Variants in NRP1 observed in about 807,000 individuals in gnomAD.
The protein encoded by NRP1 is neuropilin 1.
NRP1 carries 35 observed loss-of-function variants against 106.7 expected under a neutral mutation model. The ratio of observed to expected loss-of-function variants is 0.33; its 90% confidence interval spans 0.25 to 0.43. The LOEUF is 0.43. Ranked by LOEUF, NRP1 falls within the 20% of genes least tolerant of loss-of-function variation. NRP1 has a pLI of 1.00. For synonymous variants in NRP1, 437 were observed against 417.9 expected (o/e 1.05, Z -0.56); for missense variants, 1,024 against 1,170.4 (o/e 0.87, Z 1.83).
At chr10:33,197,554 C>A in intron 12 of NRP1, 96 bp downstream of exon 12, 1 of 924,766 alleles carries the variant, frequency 1.1e-6, no homozygotes. Context: ...GGCATCTCTC[C>A]TTCTAGGACT....
At chr10:33,197,308 T>C (rs944048616) in intron 12 of NRP1, among the ~76,000 whole-genome samples, 1 of 152,172 alleles carries the variant, frequency 6.6e-6, no homozygotes, top group Non-Finnish European at 1.5e-5. Flanking sequence ...TGAAAATAAA[T>C]AGTCGGGCTG....
intron 2 of NRP1, among the ~76,000 whole-genome samples, chr10:33,311,301 C>T (rs186057468): frequency 6.6e-6 from 1 of 152,306 alleles, no homozygotes; most frequent in Non-Finnish European, 1.5e-5. Context: ...CAACAATTGC[C>T]TCTGCCAGAT....
Position 33,262,596 on chromosome 10 carries a change from G to A in NRP1, c.658+1050C>T, listed in dbSNP as rs954610172. Among the ~76,000 whole-genome samples, 11 of 151,608 alleles carry A rather than the reference G, an allele frequency of 7.3e-5. No homozygotes were observed. The East Asian group carries it at 7.7e-4, about 11-fold the overall frequency. The stretch of plus-strand genomic sequence containing the variant: ...TGTGCACCTGTAATCCCAGCTACTC[G>A]GGAGGCTGAGGCAGAAGAATTGCTT... On this transcript the variant is annotated intron_variant, in intron 4 of 16. Coordinates refer to ENST00000374867, the MANE Select transcript of NRP1 (RefSeq NM_003873.7).
At chr10:33,203,160 A>G (rs1411830770) in intron 10 of NRP1, among the ~76,000 whole-genome samples, 165 bp from the exon 11 acceptor site, 2 of 152,264 alleles carry the variant, frequency 1.3e-5, no homozygotes. Flanking sequence ...TGGATTCTGC[A>G]GAATATATAA....
At chr10:33,325,266 A>AT (rs1323635747) in intron 2 of NRP1, among the ~76,000 whole-genome samples, 1 of 152,244 alleles carries the variant, frequency 6.6e-6, no homozygotes, top group Non-Finnish European at 1.5e-5. Context: ...TAAAACAAGG[A>AT]TTTTGTTTTA....
chr10:33,215,817 T>G (rs1479364315), intron 8 of NRP1, among the ~76,000 whole-genome samples: 1 of 152,212 alleles, frequency 6.6e-6, no homozygotes, highest in Non-Finnish European at 1.5e-5. Context: ...GTCTAGAAAT[T>G]ACGCACGTCA....
chr10:33,249,985 C>T (rs1455351207), intron 6 of NRP1, among the ~76,000 whole-genome samples: 1 of 152,004 alleles, frequency 6.6e-6, no homozygotes, highest in African/African-American at 2.4e-5. Context: ...AGTCAGCTTC[C>T]AATATCGCCT....
chr10:33,318,515 A>G (rs1434510665), intron 2 of NRP1, among the ~76,000 whole-genome samples: 1 of 152,126 alleles, frequency 6.6e-6, no homozygotes, highest in East Asian at 1.9e-4. Flanking sequence ...GTCTGGAAGG[A>G]CTGAACCTAT....
At chr10:33,279,029 G>C (rs1843916152) in intron 2 of NRP1, among the ~76,000 whole-genome samples, 1 of 152,184 alleles carries the variant, frequency 6.6e-6, no homozygotes, top group South Asian at 2.1e-4. Context: ...TTTCACTGTA[G>C]TAATGCAAAG....
intron 16 of NRP1, among the ~76,000 whole-genome samples, chr10:33,181,747 C>T (rs1220574579): frequency 6.6e-6 from 1 of 152,218 alleles, no homozygotes; most frequent in African/African-American, 2.4e-5. Flanking sequence ...GTTTCAGTCT[C>T]ACTATCTGTA....
chr10:33,276,806 T>A (rs1209126293), intron 2 of NRP1, among the ~76,000 whole-genome samples: 3 of 152,174 alleles, frequency 2.0e-5, no homozygotes, highest in Admixed American at 6.5e-5. Flanking sequence ...GCTTAGAGCA[T>A]CTTGGTGTGG....
At chr10:33,228,413 A>T (rs1839847013) in intron 6 of NRP1, among the ~76,000 whole-genome samples, 2 of 152,078 alleles carry the variant, frequency 1.3e-5, no homozygotes, top group African/African-American at 4.8e-5. Flanking sequence ...CAAAACAAAT[A>T]AAAAAAGCCA....
chr10:33,200,659 A>G (rs1837227677), intron 11 of NRP1, among the ~76,000 whole-genome samples: 1 of 152,216 alleles, frequency 6.6e-6, no homozygotes, highest in Admixed American at 6.5e-5. Flanking sequence ...TCCTGACAGC[A>G]AAACCTATGC....
intron 7 of NRP1, among the ~76,000 whole-genome samples, chr10:33,223,975 A>G (rs1292320691): frequency 1.3e-5 from 2 of 152,052 alleles, no homozygotes; most frequent in Non-Finnish European, 2.9e-5. Flanking sequence ...TGTTTTATAC[A>G]CATTCTCTCC....
At chr10:33,207,958 C>G (rs140276074) in intron 9 of NRP1, among the ~76,000 whole-genome samples, 1,994 of 152,242 alleles carry the variant, frequency 0.013, 47 homozygotes, top group African/African-American at 0.046. Flanking sequence ...TGGGGTCTCA[C>G]TCTGTCGCCC....
chr10:33,235,837 T>C (rs1217380665), intron 6 of NRP1, among the ~76,000 whole-genome samples: 1 of 152,274 alleles, frequency 6.6e-6, no homozygotes, highest in East Asian at 1.9e-4. Context: ...CTCTATGCTT[T>C]AGAAAAGATT....
At chr10:33,185,824 T>C in intron 14 of NRP1, 100 bp from the exon 15 acceptor site, 1 of 1,019,956 alleles carries the variant, frequency 9.8e-7, no homozygotes. Context: ...ATAAATTAAA[T>C]TCATCAGATT....
At chr10:33,322,861 G>A (rs1238043909) in intron 2 of NRP1, among the ~76,000 whole-genome samples, 1 of 152,178 alleles carries the variant, frequency 6.6e-6, no homozygotes. Context: ...GAAAAAATAA[G>A]CTGGTAACGT....
At chr10:33,297,202 G>A (rs1329275323) in intron 2 of NRP1, among the ~76,000 whole-genome samples, 1 of 152,146 alleles carries the variant, frequency 6.6e-6, no homozygotes, top group Non-Finnish European at 1.5e-5. Flanking sequence ...CCTTATTGCA[G>A]GAAGCAGCAC....
Sources: allele counts gnomAD v4.1 joint callset (sites outside exome capture counted in the v4.1 genomes callset), GRCh38; gene constraint gnomAD v4.1.1; transcripts MANE v1.5; gene names NCBI Gene and HGNC (gene_info 2026-07-23, HGNC 2026-07-21).